CAST: variants seen among roughly 807,000 people sequenced by gnomAD.
CAST encodes the protein calpastatin, also known as MIR583 host.
CAST carries 76 observed loss-of-function variants against 119.6 expected under a neutral mutation model. The observed-to-expected ratio is 0.64, with a 90% CI of 0.53 to 0.77. The LOEUF (loss-of-function observed/expected upper bound fraction) is 0.77, where lower values mean the gene tolerates loss of function less well. CAST is among the 30% of genes least tolerant of loss of function. The pLI is 0.00. For synonymous variants in CAST, 319 were observed against 331.6 expected (o/e 0.96, Z 0.41); for missense variants, 953 against 946.5 (o/e 1.01, Z -0.09).
At chr5:96,281,872 G>GA in the CAST span, among the ~76,000 whole-genome samples, 1 of 151,904 alleles carries the variant, frequency 6.6e-6, no homozygotes, top group Non-Finnish European at 1.5e-5. Context: ...TTATTATTGT[G>GA]AAAAAAAGAG....
At chr5:96,730,587 C>A (rs915776377) in intron 8 of CAST, among the ~76,000 whole-genome samples, 193 bp from the exon 9 acceptor site, 1 of 152,144 alleles carries the variant, frequency 6.6e-6, no homozygotes, top group South Asian at 2.1e-4. Flanking sequence ...CCTGCGTGAA[C>A]GTTTTAGGCT....
intron 1 of CAST, among the ~76,000 whole-genome samples, chr5:96,625,314 C>T (rs1391013829): frequency 1.3e-5 from 2 of 152,094 alleles, no homozygotes; most frequent in African/African-American, 2.4e-5. Flanking sequence ...GTCTCTCATA[C>T]GCACACTTAG....
chr5:96,043,697 C>G, the CAST span, among the ~76,000 whole-genome samples: 11 of 152,114 alleles, frequency 7.2e-5, no homozygotes, highest in Non-Finnish European at 1.3e-4. Context: ...TTTTCAGAAG[C>G]AACTTCCCCA....
the CAST span, among the ~76,000 whole-genome samples, chr5:96,042,279 A>G: frequency 6.6e-6 from 1 of 152,124 alleles, no homozygotes; most frequent in Non-Finnish European, 1.5e-5. Flanking sequence ...GCAAGCCAAT[A>G]GTCTTTTTGA....
intron 24 of CAST, among the ~76,000 whole-genome samples, chr5:96,758,839 A>C (rs76128213): frequency 5.9e-5 from 9 of 152,312 alleles, no homozygotes; most frequent in Non-Finnish European, 1.2e-4. Flanking sequence ...TTTAGAAACC[A>C]TAAGACATGG....
the CAST span, chr5:96,425,772 A>G: frequency 2.0e-6 from 2 of 1,005,184 alleles, no homozygotes; most frequent in South Asian, 2.6e-5. Flanking sequence ...CAACATAAAG[A>G]AGCCAGGTCC....
At chr5:96,169,335 A>G in the CAST span, among the ~76,000 whole-genome samples, 7 of 152,110 alleles carry the variant, frequency 4.6e-5, no homozygotes, top group East Asian at 1.9e-4. Context: ...AGAGGCTGGG[A>G]TGAAGGGTGC....
chr5:96,614,736 CT>C (rs59874036), intron 1 of CAST, among the ~76,000 whole-genome samples: 40,059 of 151,828 alleles, frequency 0.26, 6,239 homozygotes, highest in African/African-American at 0.43. Context: ...TTCCTCAGTG[CT>C]TTTTTTCTTT....
the CAST span, among the ~76,000 whole-genome samples, chr5:96,326,479 A>G: frequency 6.6e-6 from 1 of 152,064 alleles, no homozygotes; most frequent in East Asian, 1.9e-4. Flanking sequence ...TTTATCTGTC[A>G]AACTCCTATT....
chr5:95,990,240 C>T, the CAST span, among the ~76,000 whole-genome samples: 1 of 151,926 alleles, frequency 6.6e-6, no homozygotes, highest in Admixed American at 6.6e-5. Context: ...AGTATCATGT[C>T]CAGAGTCAGG....
chr5:96,446,231 C>T, the CAST span, among the ~76,000 whole-genome samples: 9 of 151,456 alleles, frequency 5.9e-5, no homozygotes, highest in Admixed American at 2.6e-4. Flanking sequence ...CTGAGACAAC[C>T]CCTCATTTGG....
At chr5:96,217,204 A>ATTTTTTTTTTTTTTTTTTT in the CAST span, among the ~76,000 whole-genome samples, 3 of 97,020 alleles carry the variant, frequency 3.1e-5, no homozygotes, top group African/African-American at 8.1e-5. Context: ...ATGCTAGCTA[A>ATTTTTTTTTTTTTTTTTTT]TTTTTTTTTT....
chr5:96,634,794 A>G (rs1005964501), intron 1 of CAST, among the ~76,000 whole-genome samples: 14 of 152,222 alleles, frequency 9.2e-5, no homozygotes, highest in Non-Finnish European at 5.9e-5. Context: ...TGAAAACTCA[A>G]GACTGAAAAT....
At chr5:96,187,745 A>G in the CAST span, among the ~76,000 whole-genome samples, 4 of 152,190 alleles carry the variant, frequency 2.6e-5, no homozygotes, top group African/African-American at 7.2e-5. Context: ...TTGTTGAAGT[A>G]AATAGTTCAA....
At chr5:96,578,597 CT>C (rs1392871440) in intron 1 of CAST, among the ~76,000 whole-genome samples, 10 of 151,998 alleles carry the variant, frequency 6.6e-5, no homozygotes, top group Admixed American at 6.6e-4. Context: ...AGATTTTCTA[CT>C]TTTTCATTTG....
chr5:96,250,025 A>C, the CAST span, among the ~76,000 whole-genome samples: 33 of 152,074 alleles, frequency 2.2e-4, no homozygotes, highest in Non-Finnish European at 2.9e-4. Context: ...GTGGCTCTCC[A>C]TATGTTAGTG....
the CAST span, chr5:96,392,539 A>G: frequency 1.1e-5 from 2 of 174,728 alleles, no homozygotes; most frequent in Admixed American, 5.6e-5. Context: ...AGGCCTACCA[A>G]ATACTTTCTT....
intron 1 of CAST, among the ~76,000 whole-genome samples, chr5:96,622,394 C>T (rs1394753774): frequency 1.3e-5 from 2 of 152,148 alleles, no homozygotes. Flanking sequence ...ATATTCTCCT[C>T]TGGGTGAATT....
At chr5:96,037,392 C>G in the CAST span, among the ~76,000 whole-genome samples, 1 of 152,282 alleles carries the variant, frequency 6.6e-6, no homozygotes, top group East Asian at 1.9e-4. Flanking sequence ...ACAAATATTA[C>G]TGGTATTGAA....
Sources: gnomAD v4.1 joint callset for allele counts (sites outside exome capture counted in the v4.1 genomes callset) on GRCh38, gnomAD v4.1.1 for gene constraint, MANE v1.5 for transcripts, NCBI Gene and HGNC (gene_info 2026-07-23, HGNC 2026-07-21) for gene names.